Variants in UNC13C observed in about 807,000 individuals in gnomAD.
UNC13C encodes protein unc-13 homolog C.
A neutral mutation model predicts 245.4 loss-of-function variants in UNC13C; 174 were observed. The ratio of observed to expected loss-of-function variants is 0.71; its 90% CI spans 0.63 to 0.80. The LOEUF (loss-of-function observed/expected upper bound fraction) is 0.80. Among genes scored for constraint, UNC13C ranks in the 30% least tolerant of loss-of-function variants. The pLI, the probability that UNC13C is intolerant of heterozygous loss-of-function variation, is 0.00. For missense variants in UNC13C, 2,829 were observed against 2,602.9 expected (o/e 1.09, Z -1.89); for synonymous variants, 992 against 895.1 (o/e 1.11, Z -1.93).
At chr15:54,453,558 A>C (rs751851177) in intron 19 of UNC13C, among the ~76,000 whole-genome samples, 9 of 152,220 alleles carry the variant, frequency 5.9e-5, no homozygotes, top group Non-Finnish European at 1.3e-4. Flanking sequence ...TACTGTAAAT[A>C]ATGCTACAGT....
intron 19 of UNC13C, among the ~76,000 whole-genome samples, chr15:54,430,634 A>G (rs2040852850): frequency 6.6e-6 from 1 of 151,702 alleles, no homozygotes; most frequent in African/African-American, 2.4e-5. Flanking sequence ...TTTCTATACC[A>G]TTGCTGTTAA....
chr15:54,620,019 G>GA (rs1306295304), intron 30 of UNC13C, among the ~76,000 whole-genome samples: 1 of 151,982 alleles, frequency 6.6e-6, no homozygotes, highest in African/African-American at 2.4e-5. Context: ...ACAATTGTCA[G>GA]AAAATTTATG....
chr15:54,529,677 A>G (rs1332419395), intron 25 of UNC13C, among the ~76,000 whole-genome samples: 1 of 152,214 alleles, frequency 6.6e-6, no homozygotes, highest in Non-Finnish European at 1.5e-5. Flanking sequence ...TGAGGAATTT[A>G]TGCACTTAGA....
chr15:54,621,230 A>G (rs944065800), intron 30 of UNC13C, among the ~76,000 whole-genome samples: 1 of 152,166 alleles, frequency 6.6e-6, no homozygotes, highest in Non-Finnish European at 1.5e-5. Context: ...TGAAAATAAG[A>G]TCTTTATTAA....
the UNC13C span, among the ~76,000 whole-genome samples, chr15:53,958,894 C>A: frequency 6.6e-6 from 1 of 152,096 alleles, no homozygotes; most frequent in African/African-American, 2.4e-5. Context: ...AGAACTTATT[C>A]CTTCCACGTA....
chr15:54,601,285 G>C (rs1323888847), intron 30 of UNC13C, among the ~76,000 whole-genome samples: 1 of 152,180 alleles, frequency 6.6e-6, no homozygotes, highest in Non-Finnish European at 1.5e-5. Context: ...GAGGGTAATA[G>C]GGTCTTTAAT....
chr15:54,602,886 G>A (rs112956069), intron 30 of UNC13C, among the ~76,000 whole-genome samples: 1 of 9,220 alleles, frequency 1.1e-4, no homozygotes, highest in Admixed American at 9.7e-4. Flanking sequence ...GTCCCTTTCA[G>A]TGTGATTCCA....
the UNC13C span, among the ~76,000 whole-genome samples, chr15:53,943,264 T>C: frequency 6.6e-6 from 1 of 152,204 alleles, no homozygotes; most frequent in African/African-American, 2.4e-5. Flanking sequence ...AATTCTATTT[T>C]ATTTGCTAAT....
At chr15:53,943,101 T>C in the UNC13C span, among the ~76,000 whole-genome samples, 1 of 152,228 alleles carries the variant, frequency 6.6e-6, no homozygotes, top group Non-Finnish European at 1.5e-5. Flanking sequence ...TGATTTGATA[T>C]AGATATTAGA....
chr15:54,620,479 G>A (rs558865853), intron 30 of UNC13C, among the ~76,000 whole-genome samples: 46 of 152,264 alleles, frequency 3.0e-4, no homozygotes, highest in African/African-American at 1.1e-3. Context: ...GCCAGGTGCA[G>A]TACTTTGGGA....
intron 17 of UNC13C, among the ~76,000 whole-genome samples, chr15:54,390,731 A>C (rs924133836): frequency 1.4e-4 from 22 of 152,022 alleles, no homozygotes; most frequent in African/African-American, 4.6e-4. Flanking sequence ...AATTTTTCCA[A>C]TCATAAGGTT....
chr15:54,464,635 A>G (rs778496607), intron 19 of UNC13C, among the ~76,000 whole-genome samples: 2 of 152,124 alleles, frequency 1.3e-5, no homozygotes, highest in Non-Finnish European at 2.9e-5. Context: ...CTTTTAAATC[A>G]AATTTTTATT....
At chr15:53,972,370 C>T in the UNC13C span, among the ~76,000 whole-genome samples, 8 of 152,128 alleles carry the variant, frequency 5.3e-5, no homozygotes, top group Admixed American at 5.2e-4. Flanking sequence ...GAATCTGAAA[C>T]CCTGTAAAAA....
In UNC13C at chr15:54,108,460, T is replaced by G. The variant is rs1390385250; in HGVS notation, c.2984-34558T>G. On this transcript the variant is annotated intron_variant, in intron 2 of 32. Coordinates refer to ENST00000260323, the MANE Select transcript of UNC13C (RefSeq NM_001080534.3). ...CTTTGGCCTCTCAAAGTGCTGGGAT[T>G]ACAGGCTTGAGCCACCGTGCCTGGC... is the stretch of plus-strand genomic sequence containing the variant. 2.0e-5 allele frequency among the ~76,000 whole-genome samples: 3 copies of G among 152,220 alleles called. No homozygotes were observed. The East Asian group carries it at 5.8e-4, about 29-fold the overall frequency.
intron 24 of UNC13C, among the ~76,000 whole-genome samples, chr15:54,522,214 T>C (rs1175154431): frequency 1.3e-5 from 2 of 151,770 alleles, no homozygotes; most frequent in Non-Finnish European, 1.5e-5. Context: ...CTCACGCCTG[T>C]AATCCCAGCA....
intron 17 of UNC13C, among the ~76,000 whole-genome samples, chr15:54,368,647 C>T (rs1399756673): frequency 6.6e-6 from 1 of 151,982 alleles, no homozygotes; most frequent in Non-Finnish European, 1.5e-5. Flanking sequence ...CATGGTGATG[C>T]TAACACCTAA....
At chr15:54,018,267 G>A (rs17633637) in intron 2 of UNC13C, among the ~76,000 whole-genome samples, 7,082 of 152,226 alleles carry the variant, frequency 0.047, 237 homozygotes, top group Non-Finnish European at 0.069. Flanking sequence ...CCATGGCTAC[G>A]TAGTTATCAC....
At chr15:54,523,757 C>G (rs773088292) in intron 24 of UNC13C, among the ~76,000 whole-genome samples, 4 of 152,094 alleles carry the variant, frequency 2.6e-5, no homozygotes, top group Non-Finnish European at 2.9e-5. Context: ...ACCCCCATTT[C>G]CTGAAGGAAA....
chr15:54,239,531 G>A (rs1183704051), intron 7 of UNC13C, among the ~76,000 whole-genome samples: 1 of 152,190 alleles, frequency 6.6e-6, no homozygotes, highest in Non-Finnish European at 1.5e-5. Flanking sequence ...GCTCACTGCA[G>A]CCTCAACCTT....
Sources: allele counts gnomAD v4.1 joint callset (sites outside exome capture counted in the v4.1 genomes callset), GRCh38; gene constraint gnomAD v4.1.1; transcripts MANE v1.5; gene names NCBI Gene and HGNC (gene_info 2026-07-23, HGNC 2026-07-21).